Variants in ZBTB4 observed in about 807,000 individuals in gnomAD.
ZBTB4 encodes zinc finger and BTB domain containing 4.
In ZBTB4, 14 loss-of-function variants were observed where a neutral mutation model predicts 59.8. The ratio of observed to expected loss-of-function variants is 0.23; its 90% CI spans 0.15 to 0.37. ZBTB4 has a LOEUF of 0.37. Ranked by LOEUF, ZBTB4 falls within the 10% of genes least tolerant of loss-of-function variation. The pLI, the probability that ZBTB4 is intolerant of heterozygous loss-of-function variation, is 1.00. For missense variants in ZBTB4, 1,198 were observed against 1,380.8 expected (o/e 0.87, Z 2.10); for synonymous variants, 587 against 575.2 (o/e 1.02, Z -0.29).
chr17:7,469,656 T>C (rs2070173302), intron 1 of ZBTB4, among the ~76,000 whole-genome samples: 1 of 151,542 alleles, frequency 6.6e-6, no homozygotes, highest in Admixed American at 6.6e-5. Context: ...TCCCAGATAC[T>C]TGGGAGGCTG....
At chr17:7,480,996 C>T (rs923943735), upstream of ZBTB4, among the ~76,000 whole-genome samples, 7 of 151,666 alleles carry the variant, frequency 4.6e-5, no homozygotes, top group Non-Finnish European at 8.8e-5. Context: ...CCCATCTCTA[C>T]GAAAAATAAA....
chr17:7,463,035 CTCCTCCTCCTCTTCG>C lies in ZBTB4; in HGVS notation c.1932_1946del (p.Asp644_Glu648del), dbSNP rs544254340. The C allele has an allele frequency of 6.8e-4, 1,102 of 1,611,362 alleles. 1 individual carries two copies. The highest frequency in any genetic ancestry group is 1.5e-3 in the South Asian group (135 of 90,986). On this transcript the variant is annotated inframe_deletion, in exon 4 of 4. Transcript: ENST00000380599. ...CAGCCTTTGATTCCTCCTCATCCTC[CTCCTCCTCCTCTTCG>C]TCCTCCTCCTCTTCGTCCTCCTCAC...
At chr17:7,469,222 A>G (rs2070166459) in intron 1 of ZBTB4, among the ~76,000 whole-genome samples, 1 of 152,122 alleles carries the variant, frequency 6.6e-6, no homozygotes, top group African/African-American at 2.4e-5. Flanking sequence ...ACTGGAATGC[A>G]GTGGTGCAAT....
At chr17:7,480,115 G>A (rs1462280590), upstream of ZBTB4, among the ~76,000 whole-genome samples, 2 of 152,154 alleles carry the variant, frequency 1.3e-5, no homozygotes, top group Non-Finnish European at 2.9e-5. Flanking sequence ...TCAGCAGGCC[G>A]CGGAAAAAGA....
upstream of ZBTB4, chr17:7,479,704 CCGCCGA>C (rs1419790963): frequency 6.6e-6 from 1 of 152,496 alleles, no homozygotes; most frequent in Non-Finnish European, 1.4e-5. Flanking sequence ...GCCGCCGCCG[CCGCCGA>C]GAGGAGGCCG....
In ZBTB4 at chr17:7,459,740, C is replaced by T. The variant is rs932857011; in HGVS notation, c.*2200G>A. ...TCTCATTTGTTGCCCAGAACCACCA[C>T]ATTCTGGAAGCTATTTTCCTTGATC... is the stretch of plus-strand genomic sequence containing the variant. On this transcript the variant is annotated 3_prime_UTR_variant, in exon 4 of 4. Transcript: ENST00000380599. The T allele has an allele frequency of 1.3e-5, 2 of 152,498 alleles. No homozygotes were observed. Among genetic ancestry groups the T allele is most frequent in the African/African-American group, 2.4e-5 (1 of 41,390 alleles). 9.4% of individuals were successfully genotyped at this position (152,498 alleles called of 1,614,324 possible). A position where few individuals can be genotyped will look rare whatever the true frequency, so the allele number is the denominator to read the frequency against.
At position 7,463,817 on chromosome 17, in the gene ZBTB4, C is replaced by T. The variant is rs1483500904; in HGVS notation, c.1165G>A (p.Gly389Ser). The stretch of plus-strand genomic sequence containing the variant: ...CTGGCAAGGAGGCCCGGGCTAATGC[C>T]GTGGAAGGCTCGCTGGTGGGTCTTC... ...NLKTHQRAFHGISPGLLASEK... is the reference protein window; with the variant it reads ...NLKTHQRAFHSISPGLLASEK... Residue 389 changes from glycine (G) to serine (S), a missense_variant, in exon 4 of 4, where the codon GGC becomes AGC. Transcript: ENST00000380599. 4.3e-6 allele frequency: 7 copies of T among 1,614,012 alleles called. No homozygotes were observed. In the South Asian group the frequency reaches 5.5e-5, roughly 13 times the overall value.
At chr17:7,478,059 CGGCA>C (rs1455848251) in intron 1 of ZBTB4, among the ~76,000 whole-genome samples, 3 of 152,068 alleles carry the variant, frequency 2.0e-5, no homozygotes, top group Non-Finnish European at 2.9e-5. Context: ...AGCACACAGA[CGGCA>C]GGCACGCACA....
intron 1 of ZBTB4, among the ~76,000 whole-genome samples, chr17:7,472,623 A>ACCTGG (rs1039173593): frequency 7.6e-6 from 1 of 131,640 alleles, no homozygotes; most frequent in African/African-American, 2.9e-5. Flanking sequence ...GAGCCACTGC[A>ACCTGG]CCTGGCCATT....
In ZBTB4 at chr17:7,466,609, G is replaced by A; in HGVS notation, c.193C>T (p.Leu65=). ...FREALLTSAP[L]PLPPATGGAA... ...CCCCCAGTAGCTGGTGGAAGGGGTA[G>A]TGGGGCTGAAGTGAGCAGGGCCTCT... Residue 65 remains leucine, a synonymous_variant, in exon 3 of 4, where the codon CTA becomes TTA. Transcript: ENST00000380599. This position sits in a 1 kb window ranked among gnomAD's most constrained non-coding sequence, Gnocchi z 9.1. The A allele has an allele frequency of 1.2e-6, 2 of 1,613,908 alleles. No homozygotes were observed. The highest frequency in any genetic ancestry group is 1.3e-5 in the African/African-American group (1 of 75,050).
At chr17:7,478,192 G>C (rs1023959243) in intron 1 of ZBTB4, among the ~76,000 whole-genome samples, 2 of 152,020 alleles carry the variant, frequency 1.3e-5, no homozygotes, top group Non-Finnish European at 2.9e-5. Flanking sequence ...GCCCAGACAG[G>C]CTCCTACAAA....
intron 3 of ZBTB4, among the ~76,000 whole-genome samples, chr17:7,464,182 C>T (rs924409181): frequency 6.6e-5 from 10 of 152,222 alleles, no homozygotes; most frequent in African/African-American, 2.2e-4. Context: ...AGGGACACCA[C>T]GTGGAAACAC....
upstream of ZBTB4, chr17:7,483,162 C>G: frequency 7.4e-7 from 1 of 1,359,954 alleles, no homozygotes; most frequent in Non-Finnish European, 9.9e-7. Context: ...GAGGGACTAC[C>G]TGGAAGACCT....
chr17:7,475,698 A>C (rs1003525303), intron 1 of ZBTB4, among the ~76,000 whole-genome samples: 14 of 152,146 alleles, frequency 9.2e-5, no homozygotes, highest in African/African-American at 3.4e-4. Context: ...TTGGCTTCCC[A>C]AAGTTCTGGG....
At chr17:7,467,399 G>C in intron 1 of ZBTB4, 72 bp from the exon 2 acceptor site, 1 of 356,866 alleles carries the variant, frequency 2.8e-6, no homozygotes, top group Non-Finnish European at 3.9e-6. Context: ...GGAGGGAAGT[G>C]AGAGGAAAAG....
At chr17:7,481,554 C>T, upstream of ZBTB4, 1 of 1,464,374 alleles carries the variant, frequency 6.8e-7, no homozygotes, top group Non-Finnish European at 9.2e-7. Context: ...GTACTCCCTC[C>T]CTATAGCTCC....
At chr17:7,478,840 C>G (rs1330696123) in intron 1 of ZBTB4, among the ~76,000 whole-genome samples, 1 of 152,202 alleles carries the variant, frequency 6.6e-6, no homozygotes, top group Non-Finnish European at 1.5e-5. Context: ...AGGGCCCTAC[C>G]CAGACCCCTG....
At chr17:7,474,607 C>CAA (rs982751562) in intron 1 of ZBTB4, among the ~76,000 whole-genome samples, 5 of 151,974 alleles carry the variant, frequency 3.3e-5, no homozygotes, top group Admixed American at 1.3e-4. Flanking sequence ...AAAAACAAAA[C>CAA]AAAAAAACTG....
chr17:7,482,508 C>A, upstream of ZBTB4: 1 of 1,613,542 alleles, frequency 6.2e-7, no homozygotes, highest in Non-Finnish European at 8.5e-7. Context: ...ATTGTGGGAC[C>A]TGGACTCTGG....
Sources: gnomAD v4.1 joint callset for allele counts (sites outside exome capture counted in the v4.1 genomes callset) on GRCh38, gnomAD v4.1.1 for gene constraint, Gnocchi (gnomAD v3.1) non-coding constraint, MANE v1.5 for transcripts, NCBI Gene and HGNC (gene_info 2026-07-23, HGNC 2026-07-21) for gene names.